C11orf58: variants seen among roughly 807,000 people sequenced by gnomAD.
C11orf58 encodes the protein chromosome 11 open reading frame 58.
C11orf58 carries 5 observed loss-of-function variants against 22.7 expected under a neutral mutation model. That is an observed-to-expected ratio of 0.22 (90% CI 0.12 to 0.46). The LOEUF (loss-of-function observed/expected upper bound fraction) is 0.46, where lower values mean the gene tolerates loss of function less well. Among genes scored for constraint, C11orf58 ranks in the 20% least tolerant of loss-of-function variants. C11orf58 has a pLI of 0.99. For synonymous variants in C11orf58, 71 were observed against 70.7 expected, an observed-to-expected ratio of 1.00 and a Z score of -0.02; for missense variants, 151 against 223.3, an observed-to-expected ratio of 0.68 and a Z score of 2.06.
chr11:16,752,713 C>T, intron 3 of C11orf58, 72 bp from the exon 4 acceptor site: 4 of 1,018,932 alleles, frequency 3.9e-6, no homozygotes, highest in Non-Finnish European at 5.9e-6. Flanking sequence ...AGTATAATAG[C>T]ATCTGTATTA....
intron 1 of C11orf58, among the ~76,000 whole-genome samples, chr11:16,741,556 G>A (rs2134067667): frequency 6.6e-6 from 1 of 152,310 alleles, no homozygotes; most frequent in South Asian, 2.1e-4. Context: ...GTACTTTAAG[G>A]CAGGGCTCTC....
At chr11:16,754,537 C>T in intron 4 of C11orf58, among the ~76,000 whole-genome samples, 2 of 90,990 alleles carry the variant, frequency 2.2e-5, no homozygotes, top group African/African-American at 4.0e-5. Flanking sequence ...GTTTCTCTCT[C>T]TCTCTCTCCC....
rs1848415780 is a variant in C11orf58, at chr11:16,738,678, A to G, written c.-101A>G. ...GGCCCGGAGGGGCTCTGCGTTCTGT[A>G]GTGGCGCTGCTTGGGCCCTTGGCGG... On this transcript the variant is annotated 5_prime_UTR_variant, in exon 1 of 5. Transcript: ENST00000228136. The G allele has an allele frequency of 3.0e-6, 4 of 1,312,412 alleles. No individual in the cohort carries two copies. The highest frequency in any genetic ancestry group is 4.6e-5 in the East Asian group (2 of 43,412). 81.3% of individuals were successfully genotyped at this position (1,312,412 alleles called of 1,614,324 possible).
intron 3 of C11orf58, chr11:16,749,179 A>G (rs762778166): frequency 3.9e-5 from 6 of 152,228 alleles, no homozygotes; most frequent in Non-Finnish European, 7.3e-5. Context: ...ATTTTTGCCT[A>G]TTTAAAACTG....
intron 2 of C11orf58, among the ~76,000 whole-genome samples, chr11:16,745,255 C>G (rs1848478837): frequency 6.6e-6 from 1 of 152,078 alleles, no homozygotes; most frequent in African/African-American, 2.4e-5. Flanking sequence ...AAATGCCTGT[C>G]AGTTTGGTTA....
Position 16,744,610 on chromosome 11 carries a change from A to G in C11orf58, c.73A>G (p.Ser25Gly). The change falls in exon 2 of 5, where the codon AGC becomes GGC. Residue 25 changes from serine (S) to glycine (G), a missense_variant. Physicochemically the swap from Ser to Gly is moderately conservative, Grantham distance 56. Around this residue, in one of 3 missense-constraint regions of C11orf58, gnomAD observed 34 missense variants for 36.5 expected, o/e 0.93. Coordinates refer to ENST00000228136, the MANE Select transcript of C11orf58 (RefSeq NM_014267.6). ...SASPDDDLGS[S>G]NWEAADLGNE... ...CCAATTTTTTTTCTAGCTGGGATCTAGCAATTGGGAGGCAGCAGACTTGGG... is the reference window on the plus strand; with the variant it reads ...CCAATTTTTTTTCTAGCTGGGATCTGGCAATTGGGAGGCAGCAGACTTGGG... 3 of 1,613,852 alleles carry G rather than the reference A, an allele frequency of 1.9e-6. No homozygotes were observed. The highest frequency in any genetic ancestry group is 2.5e-6 in the Non-Finnish European group (3 of 1,179,842).
At chr11:16,754,543 C>T (rs1848558995) in intron 4 of C11orf58, among the ~76,000 whole-genome samples, 5 of 92,842 alleles carry the variant, frequency 5.4e-5, no homozygotes, top group African/African-American at 1.2e-4. Flanking sequence ...CTCTCTCTCT[C>T]TCCCTTTTTT....
chr11:16,750,142 A>G (rs957201874), intron 3 of C11orf58: 1 of 152,280 alleles, frequency 6.6e-6, no homozygotes, highest in Non-Finnish European at 1.5e-5. Flanking sequence ...TTAAAAGAAA[A>G]TATCAAGAGT....
At chr11:16,746,474 C>T (rs1848488654) in intron 2 of C11orf58, among the ~76,000 whole-genome samples, 1 of 152,046 alleles carries the variant, frequency 6.6e-6, no homozygotes. Flanking sequence ...GTTGTTTCAA[C>T]TAAAATCAGT....
At position 16,738,687 on chromosome 11, in the gene C11orf58, G is replaced by T. The variant is rs1248552193; in HGVS notation, c.-92G>T. ...GGGCTCTGCGTTCTGTAGTGGCGCT[G>T]CTTGGGCCCTTGGCGGATTGTAAGC... On this transcript the variant is annotated 5_prime_UTR_variant, in exon 1 of 5. Coordinates refer to ENST00000228136, the MANE Select transcript of C11orf58 (RefSeq NM_014267.6). 25 of 1,417,592 alleles carry T rather than the reference G, an allele frequency of 1.8e-5. No homozygotes were observed. Among genetic ancestry groups the T allele is most frequent in the Non-Finnish European group, 2.3e-5 (23 of 1,004,452 alleles). The allele number at this position is 1,417,592 out of a possible 1,614,324, so 87.8% of individuals were successfully genotyped here.
At chr11:16,751,370 C>T (rs1183086417) in intron 3 of C11orf58, 3 of 152,118 alleles carry the variant, frequency 2.0e-5, no homozygotes, top group African/African-American at 7.2e-5. Flanking sequence ...GGCATGGTGG[C>T]ACATGCCTAT....
At chr11:16,739,959 C>T (rs575749193) in intron 1 of C11orf58, among the ~76,000 whole-genome samples, 11 of 152,044 alleles carry the variant, frequency 7.2e-5, no homozygotes, top group Non-Finnish European at 1.5e-4. Context: ...GGGCGAGGAC[C>T]GGAATATTAA....
At chr11:16,744,504 G>T in intron 1 of C11orf58, 97 bp from the exon 2 acceptor site, 2 of 905,728 alleles carry the variant, frequency 2.2e-6, no homozygotes, top group South Asian at 1.5e-5. Flanking sequence ...AGTTACAACT[G>T]ACAGGGGAAA....
In C11orf58 at chr11:16,755,306, T is replaced by C. The variant is rs1848568047; in HGVS notation, c.*202T>C. The stretch of plus-strand genomic sequence containing the variant: ...AACCATTTTTGTAAAGAGTAAGAGT[T>C]GTATAAAATAAGAAATAAATACAGT... On this transcript the variant is annotated 3_prime_UTR_variant, in exon 5 of 5. Coordinates refer to ENST00000228136, the MANE Select transcript of C11orf58 (RefSeq NM_014267.6). 1 of 491,920 alleles carries C rather than the reference T, an allele frequency of 2.0e-6. No homozygotes were observed. Among genetic ancestry groups the C allele is most frequent in the Non-Finnish European group, 3.5e-6 (1 of 286,424 alleles). 30.5% of individuals were successfully genotyped at this position (491,920 alleles called of 1,614,324 possible). A position where few individuals can be genotyped will look rare whatever the true frequency, so the allele number is the denominator to read the frequency against.
chr11:16,746,767 C>T (rs1701344292), intron 2 of C11orf58: 1 of 152,172 alleles, frequency 6.6e-6, no homozygotes, highest in South Asian at 2.1e-4. Context: ...AGTTCTCTGC[C>T]TCAGCCTCCC....
intron 2 of C11orf58, among the ~76,000 whole-genome samples, chr11:16,746,413 A>T (rs962268046): frequency 2.0e-5 from 3 of 152,250 alleles, no homozygotes; most frequent in Admixed American, 6.5e-5. Flanking sequence ...AACTGACAAT[A>T]AAGTTGTTTC....
In C11orf58 at chr11:16,754,862, A is replaced by G. The variant is rs1439250536; in HGVS notation, c.319-9A>G. The G allele has an allele frequency of 6.2e-7, 1 of 1,610,886 alleles. No homozygotes were observed. The highest frequency in any genetic ancestry group is 8.5e-7 in the Non-Finnish European group (1 of 1,178,870). ...TATTTTTAAAAGAGCCTGTTGATTG[A>G]TGTTTTAGGTAGAAGACCATGATGG... is the stretch of plus-strand genomic sequence containing the variant. On this transcript the variant is annotated splice_polypyrimidine_tract_variant and intron_variant, in intron 4 of 4. Coordinates refer to ENST00000228136, the MANE Select transcript of C11orf58 (RefSeq NM_014267.6).
At chr11:16,744,414 G>A (rs972651733) in intron 1 of C11orf58, 187 bp from the exon 2 acceptor site, 2 of 562,332 alleles carry the variant, frequency 3.6e-6, no homozygotes, top group African/African-American at 1.9e-5. Flanking sequence ...GGATTCTGCT[G>A]TGAGGTAATA....
intron 2 of C11orf58, 85 bp downstream of exon 2, chr11:16,744,769 A>T: frequency 1.6e-6 from 2 of 1,230,948 alleles, no homozygotes; most frequent in Admixed American, 3.8e-5. Context: ...GACTGAATAT[A>T]CTTGGATTCC....
Sources: gnomAD v4.1 joint callset for allele counts (sites outside exome capture counted in the v4.1 genomes callset) on GRCh38, gnomAD v4.1.1 for gene constraint, gnomAD v4.1.1 regional missense constraint, MANE v1.5 for transcripts, NCBI Gene and HGNC (gene_info 2026-07-23, HGNC 2026-07-21) for gene names.